The following ATP6AP2 variants were observed in gnomAD, a reference collection of about 807,000 sequenced individuals.
ATP6AP2 encodes the protein renin receptor.
In ATP6AP2, 1 loss-of-function variant was observed where a neutral mutation model predicts 23.4. That is an observed-to-expected ratio of 0.04 (90% CI 0.02 to 0.20). The LOEUF (loss-of-function observed/expected upper bound fraction) is 0.20, where lower values mean the gene tolerates loss of function less well. Among genes scored for constraint, ATP6AP2 ranks in the 10% least tolerant of loss-of-function variants. ATP6AP2 has a pLI of 1.00. For synonymous variants in ATP6AP2, 90 were observed against 97.1 expected (o/e 0.93, Z 0.43); for missense variants, 174 against 271.3 (o/e 0.64, Z 2.52).
intron 5 of ATP6AP2, chrX:40,598,297 T>C (rs1053710679): frequency 5.2e-6 from 1 of 190,526 alleles, no homozygotes; most frequent in Non-Finnish European, 9.6e-6. Context: ...ACCAGGGCCA[T>C]CATCCTTTAT....
rs766523384 is a variant in ATP6AP2, at chrX:40,589,268, C to T, written c.168+152C>T. On this transcript the variant is annotated intron_variant, in intron 2 of 8. Transcript: ENST00000636580. The stretch of plus-strand genomic sequence containing the variant: ...CTCATCTGGACCAGGCACAGTGGCT[C>T]ACGCCTGTAATCCCGGCACTCTGGG... 152 of 669,109 alleles carry T rather than the reference C, an allele frequency of 2.3e-4. No individual in the cohort carries two copies. The East Asian group carries it at 5.0e-3, about 22-fold the overall frequency. The allele number at this position is 669,109 out of a possible 1,213,427, so 55.1% of individuals were successfully genotyped here. A position where few individuals can be genotyped will look rare whatever the true frequency, so the allele number is the denominator to read the frequency against.
intron 3 of ATP6AP2, chrX:40,596,908 A>C (rs917853003): frequency 1.2e-5 from 2 of 167,149 alleles, no homozygotes; most frequent in Non-Finnish European, 2.3e-5. Context: ...TGGAATATGC[A>C]TTCATCGTGG....
At chrX:40,588,246 C>A (rs1252544875) in intron 1 of ATP6AP2, among the ~76,000 whole-genome samples, 1 of 108,712 alleles carries the variant, frequency 9.2e-6, no homozygotes, top group African/African-American at 3.4e-5. Flanking sequence ...CTTTTCTTAC[C>A]CTCTTGACAT....
At chrX:40,590,756 A>G (rs1459342666) in intron 2 of ATP6AP2, 1 of 122,793 alleles carries the variant, frequency 8.1e-6, no homozygotes, top group Non-Finnish European at 1.7e-5. Context: ...TAAACTAATG[A>G]TAGTTACTTT....
At chrX:40,604,232 TAAA>T (rs1379591152) in intron 8 of ATP6AP2, among the ~76,000 whole-genome samples, 1 of 112,062 alleles carries the variant, frequency 8.9e-6, no homozygotes, top group African/African-American at 3.2e-5. Flanking sequence ...ATTTAAATAA[TAAA>T]AATAATAACA....
intron 1 of ATP6AP2, among the ~76,000 whole-genome samples, chrX:40,584,039 G>A (rs141300921): frequency 1.3e-4 from 14 of 111,920 alleles, no homozygotes; most frequent in African/African-American, 4.5e-4. Flanking sequence ...TGATCCATTT[G>A]GATGCCAGAT....
At chrX:40,581,146 C>G in intron 1 of ATP6AP2, 44 bp downstream of exon 1, 4 of 1,104,974 alleles carry the variant, frequency 3.6e-6, no homozygotes, top group Non-Finnish European at 4.7e-6. Context: ...GGAGGTCCTG[C>G]GCCGCGGGGC....
chrX:40,581,081 G>A lies in ATP6AP2; in HGVS notation c.16G>A (p.Val6Met). Residue 6 changes from valine to methionine, a missense_variant, in exon 1 of 9, where the codon GTG becomes ATG. Val to Met is a conservative substitution (Grantham distance 21). Coordinates refer to ENST00000636580, the MANE Select transcript of ATP6AP2 (RefSeq NM_005765.3). MAVFV[V>M]LLALVAGVLG... Reference sequence around the variant, plus strand: ...CCGCGGCACCATGGCTGTGTTTGTCGTGCTCCTGGCGTTGGTGGCGGGTGA... The same window carrying A: ...CCGCGGCACCATGGCTGTGTTTGTCATGCTCCTGGCGTTGGTGGCGGGTGA... The A allele has an allele frequency of 1.7e-6, 2 of 1,164,291 alleles. No individual in the cohort carries two copies. Among genetic ancestry groups the A allele is most frequent in the Non-Finnish European group, 2.3e-6 (2 of 872,014 alleles).
Position 40,589,068 on chromosome X carries a change from G to A in ATP6AP2, c.120G>A (p.Glu40=), listed in dbSNP as rs748408839. 31 of 1,208,094 alleles carry A rather than the reference G, an allele frequency of 2.6e-5. No homozygotes were observed. The highest frequency in any genetic ancestry group is 2.7e-5 in the Non-Finnish European group (24 of 894,307). ...ATGGAAATTGGCCTATACCAGGAGA[G>A]CGGATCCCAGACGTGGCTGCATTGT... ...FRNGNWPIPG[E]RIPDVAALSM... is the part of the protein sequence containing the mutation. The change falls in exon 2 of 9, where the codon GAG becomes GAA. Residue 40 remains glutamate (E), a synonymous_variant. Transcript: ENST00000636580.
intron 8 of ATP6AP2, among the ~76,000 whole-genome samples, chrX:40,601,654 C>T (rs781604728): frequency 9.0e-6 from 1 of 111,446 alleles, no homozygotes; most frequent in East Asian, 2.8e-4. Context: ...TGCTCCCTAA[C>T]ATCCTACGTC....
intron 6 of ATP6AP2, chrX:40,599,205 TTG>T: frequency 9.0e-6 from 2 of 222,396 alleles, no homozygotes; most frequent in Non-Finnish European, 1.6e-5. Context: ...CCTTCTGAAG[TTG>T]TTTTCCAAAC....
At position 40,605,840 on chromosome X, in the gene ATP6AP2, T is replaced by C; in HGVS notation, c.*85T>C. 1 of 802,951 alleles carries C rather than the reference T, an allele frequency of 1.2e-6. No homozygotes were observed. The highest frequency in any genetic ancestry group is 1.8e-6 in the Non-Finnish European group (1 of 550,114). The allele number at this position is 802,951 out of a possible 1,213,427, so 66.2% of individuals were successfully genotyped here. ...ATCTTTTAGTGTGCTTTAAAGTAGA[T>C]AGTATACTTTACATTTATAAAAAAA... On this transcript the variant is annotated 3_prime_UTR_variant, in exon 9 of 9. Transcript: ENST00000636580.
At chrX:40,598,789 C>T in intron 6 of ATP6AP2, 55 bp downstream of exon 6, 5 of 1,091,529 alleles carry the variant, frequency 4.6e-6, no homozygotes, top group Non-Finnish European at 6.3e-6. Flanking sequence ...CTAGAGAATC[C>T]TTGAATAATA....
At chrX:40,597,732 G>GTGAGACCCT in intron 5 of ATP6AP2, 68 bp downstream of exon 5, 1 of 1,088,148 alleles carries the variant, frequency 9.2e-7, no homozygotes, top group Non-Finnish European at 1.3e-6. Flanking sequence ...ATAGAGACAG[G>GTGAGACCCT]GTCTCACTCT....
intron 1 of ATP6AP2, among the ~76,000 whole-genome samples, chrX:40,582,387 C>T (rs778651236): frequency 3.6e-5 from 4 of 112,031 alleles, no homozygotes; most frequent in Non-Finnish European, 7.5e-5. Flanking sequence ...GAGATCGCGC[C>T]ATTGCACTCC....
intron 8 of ATP6AP2, 47 bp downstream of exon 8, chrX:40,600,928 T>G: frequency 9.7e-7 from 1 of 1,026,924 alleles, no homozygotes; most frequent in African/African-American, 2.2e-5. Context: ...AATTAACTTC[T>G]TATAAAAAAA....
rs776061725 is a variant in ATP6AP2, at chrX:40,588,929, T to C, written c.38-57T>C. Reference sequence around the variant, plus strand: ...AAACATGTATTATATTTAATAATTGTCAAGGTAAATGATTTATGATGTTGA... The same window carrying C: ...AAACATGTATTATATTTAATAATTGCCAAGGTAAATGATTTATGATGTTGA... On this transcript the variant is annotated intron_variant, in intron 1 of 8. Coordinates refer to ENST00000636580, the MANE Select transcript of ATP6AP2 (RefSeq NM_005765.3). 5 of 1,138,616 alleles carry C rather than the reference T, an allele frequency of 4.4e-6. No homozygotes were observed. In the South Asian group the frequency reaches 9.1e-5, roughly 21 times the overall value. The allele number at this position is 1,138,616 out of a possible 1,213,427, so 93.8% of individuals were successfully genotyped here.
intron 3 of ATP6AP2, 134 bp downstream of exon 3, chrX:40,591,499 A>C: frequency 1.2e-6 from 1 of 811,244 alleles, no homozygotes; most frequent in Non-Finnish European, 1.8e-6. Flanking sequence ...TTCTTTGACA[A>C]ACACAATTTC....
Position 40,606,139 on chromosome X carries a change from G to A in ATP6AP2, c.*384G>A, listed in dbSNP as rs927189911. 1 of 163,581 alleles carries A rather than the reference G, an allele frequency of 6.1e-6. No homozygotes were observed. Among genetic ancestry groups the A allele is most frequent in the Non-Finnish European group, 1.2e-5 (1 of 86,313 alleles). The allele number at this position is 163,581 out of a possible 1,213,427, so 13.5% of individuals were successfully genotyped here. On this transcript the variant is annotated 3_prime_UTR_variant, in exon 9 of 9. Coordinates refer to ENST00000636580, the MANE Select transcript of ATP6AP2 (RefSeq NM_005765.3). ...TGCTTAACTTCTTTACACAGCATAG[G>A]TGAAAATCATATTTGGGCTATTGTA... is the stretch of plus-strand genomic sequence containing the variant.
Sources: gnomAD v4.1 joint callset for allele counts (sites outside exome capture counted in the v4.1 genomes callset) on GRCh38, gnomAD v4.1.1 for gene constraint, MANE v1.5 for transcripts, NCBI Gene and HGNC (gene_info 2026-07-23, HGNC 2026-07-21) for gene names.